Variants in LARGE1 observed in about 807,000 individuals in gnomAD.
The protein encoded by LARGE1 is xylosyl- and glucuronyltransferase LARGE1.
LARGE1 carries 43 observed loss-of-function variants against 87.6 expected under a neutral mutation model. That is an observed-to-expected ratio of 0.49 (90% confidence interval 0.38 to 0.63). The LOEUF (loss-of-function observed/expected upper bound fraction) is 0.63, where lower values mean the gene tolerates loss of function less well. Ranked by LOEUF, LARGE1 falls within the 30% of genes least tolerant of loss-of-function variation. The pLI is 0.00. For missense variants in LARGE1, 802 were observed against 1,000.2 expected, an observed-to-expected ratio of 0.80 and a Z score of 2.67; for synonymous variants, 434 against 394.6, an observed-to-expected ratio of 1.10 and a Z score of -1.18.
intron 2 of LARGE1, among the ~76,000 whole-genome samples, chr22:33,759,439 G>A (rs763370142): frequency 2.0e-5 from 3 of 152,142 alleles, no homozygotes; most frequent in Non-Finnish European, 2.9e-5. Context: ...ACCATGGGCA[G>A]ATCACTGAAG....
chr22:33,630,304 C>T (rs1032829414), intron 3 of LARGE1, among the ~76,000 whole-genome samples: 6 of 152,208 alleles, frequency 3.9e-5, no homozygotes, highest in African/African-American at 1.4e-4. Flanking sequence ...TTGCACTAGG[C>T]CTTCCTGTCT....
intron 1 of LARGE1, among the ~76,000 whole-genome samples, chr22:33,879,501 A>G (rs889367922): frequency 6.6e-5 from 10 of 152,208 alleles, no homozygotes; most frequent in South Asian, 2.1e-4. Flanking sequence ...AACCCAGTCT[A>G]TATCTAGTCT....
chr22:33,726,656 T>C (rs1268535848), intron 2 of LARGE1, among the ~76,000 whole-genome samples: 1 of 152,156 alleles, frequency 6.6e-6, no homozygotes, highest in Non-Finnish European at 1.5e-5. Flanking sequence ...CTGGAAATAT[T>C]CTAATGCCAG....
intron 11 of LARGE1, among the ~76,000 whole-genome samples, chr22:33,245,220 T>G (rs1442229417): frequency 6.6e-6 from 1 of 152,210 alleles, no homozygotes; most frequent in Non-Finnish European, 1.5e-5. Flanking sequence ...TAATGATTTC[T>G]CATTGAAACC....
chr22:33,337,788 T>C lies in LARGE1; in HGVS notation c.1145A>G (p.Asn382Ser). ...DVSDLKVIHWNSPKKLRVKNK... is the reference protein window; with the variant it reads ...DVSDLKVIHWSSPKKLRVKNK... ...CTTCACCCGGAGCTTCTTGGGGGAG[T>C]TCCAGTGAATGACCTGGCAGGGAGA... Residue 382 changes from asparagine to serine, a missense_variant, in exon 10 of 15, where the codon AAC becomes AGC. Asn to Ser is a conservative substitution (Grantham distance 46). Around this residue, in one of 2 missense-constraint regions of LARGE1, gnomAD observed 625 missense variants for 841.9 expected, o/e 0.74. Transcript: ENST00000397394. 1.9e-6 allele frequency: 3 copies of C among 1,613,768 alleles called. No homozygotes were observed. The highest frequency in any genetic ancestry group is 2.5e-6 in the Non-Finnish European group (3 of 1,179,962).
At chr22:33,489,657 T>C (rs1025605905) in intron 6 of LARGE1, among the ~76,000 whole-genome samples, 1 of 152,188 alleles carries the variant, frequency 6.6e-6, no homozygotes, top group Non-Finnish European at 1.5e-5. Context: ...TCTGCCATGA[T>C]TGTGAGGCCT....
chr22:33,739,091 G>A (rs1161309749), intron 2 of LARGE1, among the ~76,000 whole-genome samples: 1 of 151,842 alleles, frequency 6.6e-6, no homozygotes, highest in East Asian at 1.9e-4. Context: ...TTTCCTTATT[G>A]GAAAAATGGA....
At chr22:33,179,528 G>C (rs959903971) in intron 11 of LARGE1, among the ~76,000 whole-genome samples, 2 of 152,202 alleles carry the variant, frequency 1.3e-5, no homozygotes, top group Non-Finnish European at 2.9e-5. Flanking sequence ...GGGCAGAGCA[G>C]TACAAGACGC....
chr22:33,534,001 T>C (rs986521593), intron 6 of LARGE1, among the ~76,000 whole-genome samples: 1 of 152,114 alleles, frequency 6.6e-6, no homozygotes, highest in Non-Finnish European at 1.5e-5. Context: ...ATTAGAGCTT[T>C]TCCTCCAATG....
intron 1 of LARGE1, among the ~76,000 whole-genome samples, chr22:33,839,083 T>G (rs953854522): frequency 6.6e-6 from 1 of 152,202 alleles, no homozygotes; most frequent in Admixed American, 6.5e-5. Flanking sequence ...AAGAAATTCC[T>G]GAGGCTGAGT....
At chr22:33,448,438 T>C (rs959527110) in intron 6 of LARGE1, among the ~76,000 whole-genome samples, 3 of 152,188 alleles carry the variant, frequency 2.0e-5, no homozygotes, top group Non-Finnish European at 4.4e-5. Context: ...GAAAAGAAAG[T>C]ATTACTTGGT....
chr22:33,629,050 G>A (rs1418155182), intron 3 of LARGE1, among the ~76,000 whole-genome samples: 1 of 152,162 alleles, frequency 6.6e-6, no homozygotes, highest in Non-Finnish European at 1.5e-5. Flanking sequence ...AGATCCCTCT[G>A]GGTTTTCTGG....
chr22:33,736,511 A>C (rs1290039004), intron 2 of LARGE1, among the ~76,000 whole-genome samples: 8 of 152,240 alleles, frequency 5.3e-5, no homozygotes. Flanking sequence ...TTAAGTTATA[A>C]GAGTTATTCA....
At chr22:33,559,161 G>A (rs2077780104) in intron 6 of LARGE1, among the ~76,000 whole-genome samples, 1 of 152,208 alleles carries the variant, frequency 6.6e-6, no homozygotes, top group Non-Finnish European at 1.5e-5. Flanking sequence ...GATGCATGGT[G>A]AGAACTCTCT....
At chr22:33,404,762 C>A (rs998060537) in intron 7 of LARGE1, among the ~76,000 whole-genome samples, 15 of 152,228 alleles carry the variant, frequency 9.9e-5, no homozygotes, top group Non-Finnish European at 5.9e-5. Flanking sequence ...TCCTTGATCA[C>A]TTTTGCAGTA....
At chr22:33,319,751 G>C (rs978461289) in intron 10 of LARGE1, among the ~76,000 whole-genome samples, 1 of 151,928 alleles carries the variant, frequency 6.6e-6, no homozygotes, top group African/African-American at 2.4e-5. Flanking sequence ...AATAGATACT[G>C]ATAGAGTGCT....
At chr22:33,922,061 C>A (rs2147029888), upstream of LARGE1, among the ~76,000 whole-genome samples, 1 of 152,242 alleles carries the variant, frequency 6.6e-6, no homozygotes, top group South Asian at 2.1e-4. Flanking sequence ...CCCCTTCCCC[C>A]CGGGTCTCCA....
At chr22:33,487,103 C>T (rs1423019476) in intron 6 of LARGE1, among the ~76,000 whole-genome samples, 2 of 152,164 alleles carry the variant, frequency 1.3e-5, no homozygotes, top group Admixed American at 6.5e-5. Flanking sequence ...GCAAGCTTCC[C>T]GCCCCAACAA....
intron 11 of LARGE1, among the ~76,000 whole-genome samples, chr22:33,225,634 T>C (rs1293666602): frequency 2.0e-5 from 3 of 152,132 alleles, no homozygotes; most frequent in Admixed American, 6.5e-5. Flanking sequence ...ACTTGTGTCA[T>C]GGGGGTTTGG....
Sources: gnomAD v4.1 joint callset for allele counts (sites outside exome capture counted in the v4.1 genomes callset) on GRCh38, gnomAD v4.1.1 for gene constraint, gnomAD v4.1.1 regional missense constraint, MANE v1.5 for transcripts, NCBI Gene and HGNC (gene_info 2026-07-23, HGNC 2026-07-21) for gene names.